Variants in CRYBG1 observed in about 807,000 individuals in gnomAD.
CRYBG1 encodes beta/gamma crystallin domain-containing protein 1.
CRYBG1 carries 139 observed loss-of-function variants against 189.2 expected under a neutral mutation model. The observed-to-expected ratio is 0.73, with a 90% CI of 0.64 to 0.85. The LOEUF (loss-of-function observed/expected upper bound fraction) is 0.85. CRYBG1 is among the 40% of genes least tolerant of loss of function. The pLI, the probability that CRYBG1 is intolerant of heterozygous loss-of-function variation, is 0.00. For missense variants in CRYBG1, 2,611 were observed against 2,675.8 expected, an observed-to-expected ratio of 0.98 and a Z score of 0.53; for synonymous variants, 1,023 against 1,017.1, an observed-to-expected ratio of 1.01 and a Z score of -0.11.
chr6:106,458,127 G>A (rs1273417366), intron 2 of CRYBG1, among the ~76,000 whole-genome samples: 1 of 152,216 alleles, frequency 6.6e-6, no homozygotes, highest in Non-Finnish European at 1.5e-5. Context: ...TGAAGACGGA[G>A]GAGTGGTTTA....
At chr6:106,499,774 A>G (rs1380270690) in intron 2 of CRYBG1, among the ~76,000 whole-genome samples, 1 of 152,156 alleles carries the variant, frequency 6.6e-6, no homozygotes, top group Non-Finnish European at 1.5e-5. Context: ...TTGAAAACTT[A>G]TTGCTCCTAA....
chr6:106,546,542 TA>T (rs1774269210), intron 13 of CRYBG1, among the ~76,000 whole-genome samples: 1 of 151,926 alleles, frequency 6.6e-6, no homozygotes, highest in Non-Finnish European at 1.5e-5. Flanking sequence ...GTAAATAGAG[TA>T]AAAAAAACCT....
intron 8 of CRYBG1, among the ~76,000 whole-genome samples, chr6:106,534,175 A>G (rs1316569136): frequency 6.6e-6 from 1 of 152,206 alleles, no homozygotes; most frequent in African/African-American, 2.4e-5. Flanking sequence ...GGAAGGTGCC[A>G]TGACTCAGGC....
chr6:106,471,623 G>C (rs1299829075), intron 2 of CRYBG1, among the ~76,000 whole-genome samples: 1 of 152,050 alleles, frequency 6.6e-6, no homozygotes, highest in East Asian at 1.9e-4. Context: ...TTAAGTACAA[G>C]TTACTCTCCC....
At chr6:106,430,268 C>CA (rs996840053) in intron 1 of CRYBG1, among the ~76,000 whole-genome samples, 3 of 152,014 alleles carry the variant, frequency 2.0e-5, no homozygotes, top group Non-Finnish European at 4.4e-5. Context: ...CCCATCTCTA[C>CA]AAAAAAATTT....
At chr6:106,562,722 C>T (rs1204327338) in intron 20 of CRYBG1, among the ~76,000 whole-genome samples, 2 of 152,182 alleles carry the variant, frequency 1.3e-5, no homozygotes, top group South Asian at 2.1e-4. Context: ...CTCCTGACCT[C>T]GTGATCCACC....
intron 1 of CRYBG1, among the ~76,000 whole-genome samples, chr6:106,436,295 C>CTTTTTT (rs56333625): frequency 2.9e-5 from 4 of 139,684 alleles, no homozygotes; most frequent in Non-Finnish European, 1.6e-5. Context: ...CATGCAATCT[C>CTTTTTT]TTTTTTTTTT....
intron 8 of CRYBG1, among the ~76,000 whole-genome samples, chr6:106,539,022 C>G (rs1774069324): frequency 6.6e-6 from 1 of 152,158 alleles, no homozygotes; most frequent in Non-Finnish European, 1.5e-5. Flanking sequence ...ACAATAGCTT[C>G]TCTTCCTCAT....
intron 2 of CRYBG1, among the ~76,000 whole-genome samples, chr6:106,491,253 C>G (rs1230985503): frequency 1.3e-5 from 2 of 152,178 alleles, no homozygotes; most frequent in Non-Finnish European, 2.9e-5. Flanking sequence ...AGGACTGACT[C>G]CTGATCAAAA....
chr6:106,527,526 C>A, intron 7 of CRYBG1, 56 bp downstream of exon 7: 2 of 1,531,704 alleles, frequency 1.3e-6, no homozygotes, highest in South Asian at 1.2e-5. Flanking sequence ...TGGATTCTTA[C>A]TTTAAGGGAA....
At chr6:106,455,764 A>C (rs2114444662) in intron 2 of CRYBG1, among the ~76,000 whole-genome samples, 1 of 152,032 alleles carries the variant, frequency 6.6e-6, no homozygotes, top group East Asian at 1.9e-4. Context: ...AAGCAAAAAA[A>C]GGTTTTTTGC....
At chr6:106,467,431 C>T (rs1253865634) in intron 2 of CRYBG1, among the ~76,000 whole-genome samples, 1 of 151,802 alleles carries the variant, frequency 6.6e-6, no homozygotes. Context: ...CTGATCAGGC[C>T]ATTGCACTCC....
intron 3 of CRYBG1, among the ~76,000 whole-genome samples, chr6:106,514,065 T>C (rs1773362417): frequency 6.6e-6 from 1 of 152,176 alleles, no homozygotes. Context: ...GCCAAACGAA[T>C]GTTACCATCT....
Position 106,360,718 on chromosome 6 carries a change from GT to G in CRYBG1, c.-190del. The G allele has an allele frequency of 1.7e-6, 1 of 594,370 alleles. No individual in the cohort carries two copies. The highest frequency in any genetic ancestry group is 2.7e-6 in the Non-Finnish European group (1 of 368,220). 36.8% of individuals were successfully genotyped at this position (594,370 alleles called of 1,614,324 possible). A position where few individuals can be genotyped will look rare whatever the true frequency, so the allele number is the denominator to read the frequency against. ...CTCCGCCCCAACAGCTCGGGCTGCA[GT>G]GCTGCTCGCGCTGCGCTGGGTGCTG... On this transcript the variant is annotated 5_prime_UTR_variant, in exon 1 of 22. Transcript: ENST00000633556.
At chr6:106,401,490 T>A (rs1366659610) in intron 1 of CRYBG1, among the ~76,000 whole-genome samples, 1 of 136,084 alleles carries the variant, frequency 7.3e-6, no homozygotes, top group East Asian at 2.1e-4. Flanking sequence ...TGTGCCATGC[T>A]GGTGCGCTGC....
At chr6:106,476,065 TTGA>T (rs1208894144) in intron 2 of CRYBG1, among the ~76,000 whole-genome samples, 3 of 152,222 alleles carry the variant, frequency 2.0e-5, no homozygotes, top group Non-Finnish European at 2.9e-5. Flanking sequence ...CTCCTAGTGT[TTGA>T]TGATGTTACT....
chr6:106,387,643 C>G (rs563030812), intron 1 of CRYBG1, among the ~76,000 whole-genome samples: 29 of 152,252 alleles, frequency 1.9e-4, no homozygotes, highest in South Asian at 1.7e-3. Flanking sequence ...TGCTCAACCC[C>G]AGATGGATAG....
Position 106,407,478 on chromosome 6 carries a change from G to A in CRYBG1, c.174-44216G>A, listed in dbSNP as rs539917294. On this transcript the variant is annotated intron_variant, in intron 1 of 21. Coordinates refer to ENST00000633556, the MANE Select transcript of CRYBG1 (RefSeq NM_001371242.2). The stretch of plus-strand genomic sequence containing the variant: ...CACTGTCAATATTACACAGATCAAC[G>A]AGACAGAAAATTAACAAGGATATTC... Among the ~76,000 whole-genome samples the A allele has an allele frequency of 3.3e-5, 5 of 152,180 alleles. No individual in the cohort carries two copies. In the East Asian group the frequency reaches 7.7e-4, roughly 23 times the overall value.
At chr6:106,447,502 A>T (rs1771684790) in intron 1 of CRYBG1, among the ~76,000 whole-genome samples, 1 of 150,560 alleles carries the variant, frequency 6.6e-6, no homozygotes, top group African/African-American at 2.4e-5. Flanking sequence ...ATTCTTGATG[A>T]TGTGATTATT....
Sources: allele counts gnomAD v4.1 joint callset (sites outside exome capture counted in the v4.1 genomes callset), GRCh38; gene constraint gnomAD v4.1.1; transcripts MANE v1.5; gene names NCBI Gene and HGNC (gene_info 2026-07-23, HGNC 2026-07-21).